The following SRGAP2C variants were observed in gnomAD, a reference collection of about 807,000 sequenced individuals.
The protein encoded by SRGAP2C is SLIT-ROBO Rho GTPase-activating protein 2C.
A neutral mutation model predicts 25.1 loss-of-function variants in SRGAP2C; 15 were observed. That is an observed-to-expected ratio of 0.60 (90% CI 0.40 to 0.92). The LOEUF (loss-of-function observed/expected upper bound fraction) is 0.92, where lower values mean the gene tolerates loss of function less well. Ranked by LOEUF, SRGAP2C falls within the 40% of genes least tolerant of loss-of-function variation. The probability of loss-of-function intolerance (pLI) is 0.00; values close to 1 mark genes in which losing one functional copy is unlikely to be tolerated. For synonymous variants in SRGAP2C, 44 were observed against 96.6 expected (o/e 0.46, Z 3.19); for missense variants, 144 against 264.4 (o/e 0.54, Z 3.16).
intron 2 of SRGAP2C, among the ~76,000 whole-genome samples, chr1:121,211,116 C>T (rs1655240115): frequency 6.6e-6 from 1 of 150,624 alleles, no homozygotes; most frequent in Non-Finnish European, 1.5e-5. Flanking sequence ...TCCTTCTCTT[C>T]AACCTGAAGG....
At chr1:121,195,966 TA>T (rs1654820663) in intron 2 of SRGAP2C, among the ~76,000 whole-genome samples, 1 of 39,838 alleles carries the variant, frequency 2.5e-5, no homozygotes, top group Non-Finnish European at 4.8e-5. Flanking sequence ...CGCCAGAGTC[TA>T]AGTTCTACGT....
intron 3 of SRGAP2C, among the ~76,000 whole-genome samples, chr1:121,306,102 C>T (rs1553339394): frequency 2.6e-5 from 4 of 152,102 alleles, no homozygotes; most frequent in African/African-American, 7.2e-5. Context: ...AAGGCTGGGA[C>T]CTCTGTGTCT....
Position 121,390,980 on chromosome 1 carries a change from G to A in SRGAP2C, c.*3125G>A, listed in dbSNP as rs1660058397. 9.2e-6 allele frequency: 1 copy of A among 108,466 alleles called. No homozygotes were observed. Among genetic ancestry groups the A allele is most frequent in the Non-Finnish European group, 1.9e-5 (1 of 51,322 alleles). 6.7% of individuals were successfully genotyped at this position (108,466 alleles called of 1,614,324 possible). On this transcript the variant is annotated 3_prime_UTR_variant, in exon 10 of 10. Coordinates refer to ENST00000367123, the MANE Select transcript of SRGAP2C (RefSeq NM_001329984.2). ...TACTTGAACTGGGGAGGCATAGGTT[G>A]TAGTGAGCCAAGGTCGTGTCACTGC...
intron 5 of SRGAP2C, among the ~76,000 whole-genome samples, chr1:121,365,911 G>T (rs587635853): frequency 6.9e-6 from 1 of 145,064 alleles, no homozygotes. Context: ...CCTCAGTGAC[G>T]AGGCAGGCTG....
chr1:121,285,201 G>A (rs1345438207), intron 3 of SRGAP2C, among the ~76,000 whole-genome samples: 3 of 150,302 alleles, frequency 2.0e-5, no homozygotes, highest in Non-Finnish European at 4.4e-5. Flanking sequence ...GATGAACCAT[G>A]CTAATAATAA....
intron 4 of SRGAP2C, among the ~76,000 whole-genome samples, chr1:121,347,727 A>C (rs1284567369): frequency 6.6e-6 from 1 of 152,214 alleles, no homozygotes; most frequent in Non-Finnish European, 1.5e-5. Flanking sequence ...AGAAAGGCAC[A>C]GTGACACAAA....
At chr1:121,332,215 G>T (rs1570788198) in intron 4 of SRGAP2C, among the ~76,000 whole-genome samples, 1 of 93,970 alleles carries the variant, frequency 1.1e-5, no homozygotes, top group African/African-American at 4.3e-5. Flanking sequence ...GTTGCCTACA[G>T]CTAGGGCTGA....
intron 7 of SRGAP2C, among the ~76,000 whole-genome samples, chr1:121,375,883 G>C (rs1260697950): frequency 7.9e-5 from 12 of 151,414 alleles, no homozygotes; most frequent in Non-Finnish European, 1.3e-4. Context: ...TTAGGGTCCT[G>C]TCAGGAAGGT....
intron 2 of SRGAP2C, among the ~76,000 whole-genome samples, chr1:121,226,345 T>C (rs1477036008): frequency 2.0e-5 from 3 of 149,052 alleles, no homozygotes; most frequent in East Asian, 4.0e-4. Context: ...GAAATGAATA[T>C]AGGGAAAATA....
intron 2 of SRGAP2C, among the ~76,000 whole-genome samples, chr1:121,278,256 C>T (rs1314530942): frequency 4.0e-5 from 6 of 151,572 alleles, no homozygotes; most frequent in Non-Finnish European, 7.4e-5. Flanking sequence ...CTGTTTTGTG[C>T]CTTACTTAAT....
At chr1:121,199,742 C>T (rs1354309651) in intron 2 of SRGAP2C, among the ~76,000 whole-genome samples, 3 of 144,428 alleles carry the variant, frequency 2.1e-5, no homozygotes, top group African/African-American at 7.9e-5. Flanking sequence ...TTGCAGTGAG[C>T]CCAGATCACA....
intron 3 of SRGAP2C, among the ~76,000 whole-genome samples, chr1:121,289,182 C>T (rs1164143639): frequency 6.7e-5 from 10 of 149,332 alleles, no homozygotes; most frequent in Non-Finnish European, 7.4e-5. Context: ...AGGCTCCGGC[C>T]GCACAGGAGC....
chr1:121,336,651 G>A lies in SRGAP2C; in HGVS notation c.423+12011G>A, dbSNP rs1478926537. Among the ~76,000 whole-genome samples the A allele has an allele frequency of 5.9e-4, 54 of 90,942 alleles. 17 individuals carry two copies. Among genetic ancestry groups the A allele is most frequent in the African/African-American group, 1.9e-3 (50 of 25,884 alleles). 59.7% of individuals were successfully genotyped at this position (90,942 alleles called of 152,430 possible). ...ATATGATATAAAAAACAGATTTATT[G>A]TACATACTATTTTGTAATCTACTGT... On this transcript the variant is annotated intron_variant, in intron 4 of 9. Coordinates refer to ENST00000367123, the MANE Select transcript of SRGAP2C (RefSeq NM_001329984.2).
At position 121,211,400 on chromosome 1, in the gene SRGAP2C, G is replaced by GAT. The variant is rs1158479752; in HGVS notation, c.67+23897_67+23898dup. Among the ~76,000 whole-genome samples the GAT allele has an allele frequency of 2.2e-3, 285 of 130,414 alleles. 7 individuals carry two copies. In the East Asian group the frequency reaches 0.058, roughly 27 times the overall value. The allele number at this position is 130,414 out of a possible 152,430, so 85.6% of individuals were successfully genotyped here. On this transcript the variant is annotated intron_variant, in intron 2 of 9. Transcript: ENST00000367123. ...TCTTCTGGTTACATGTTGAGAGAGA[G>GAT]ATATATATATACACATACACACACA...
rs587727779 is a variant in SRGAP2C, at chr1:121,208,491, G to A, written c.67+20978G>A. On this transcript the variant is annotated intron_variant, in intron 2 of 9. Coordinates refer to ENST00000367123, the MANE Select transcript of SRGAP2C (RefSeq NM_001329984.2). ...GGAGATTTGGCCTAAGCATGAGTGCGAGCCTCTGAATACGGATGGGTAAAT... is the reference window on the plus strand; with the variant it reads ...GGAGATTTGGCCTAAGCATGAGTGCAAGCCTCTGAATACGGATGGGTAAAT... Among the ~76,000 whole-genome samples the A allele has an allele frequency of 7.9e-5, 12 of 152,234 alleles. No individual in the cohort carries two copies. The East Asian group carries it at 9.7e-4, about 12-fold the overall frequency.
chr1:121,385,078 T>C (rs1331126202), intron 8 of SRGAP2C, among the ~76,000 whole-genome samples: 31 of 151,488 alleles, frequency 2.0e-4, no homozygotes, highest in African/African-American at 7.0e-4. Flanking sequence ...CTGCAGCCAG[T>C]CTATCCCCAT....
chr1:121,335,391 A>T (rs1553342384), intron 4 of SRGAP2C, among the ~76,000 whole-genome samples: 5,774 of 135,348 alleles, frequency 0.043, 176 homozygotes, highest in Non-Finnish European at 0.061. Context: ...AATAAATAAA[A>T]CAACCAATTC....
At chr1:121,215,913 T>C (rs1242948559) in intron 2 of SRGAP2C, among the ~76,000 whole-genome samples, 4 of 152,074 alleles carry the variant, frequency 2.6e-5, no homozygotes, top group African/African-American at 9.7e-5. Context: ...TACTCCCCAG[T>C]GTCTAACTCT....
chr1:121,263,026 A>G (rs1261073579), intron 2 of SRGAP2C, among the ~76,000 whole-genome samples: 1 of 151,810 alleles, frequency 6.6e-6, no homozygotes, highest in African/African-American at 2.4e-5. Context: ...CCATTTTTTT[A>G]TCATATCTTT....
Sources: allele counts gnomAD v4.1 joint callset (sites outside exome capture counted in the v4.1 genomes callset), GRCh38; gene constraint gnomAD v4.1.1; transcripts MANE v1.5; gene names NCBI Gene and HGNC (gene_info 2026-07-23, HGNC 2026-07-21).